GLRA1: variants seen among roughly 807,000 people sequenced by gnomAD.
GLRA1 encodes the protein glycine receptor subunit alpha-1.
GLRA1 carries 37 observed loss-of-function variants against 48.3 expected under a neutral mutation model. The ratio of observed to expected loss-of-function variants is 0.77; its 90% confidence interval spans 0.59 to 1.01. The LOEUF is 1.01. GLRA1 is among the 50% of genes least tolerant of loss of function. The probability of loss-of-function intolerance (pLI) is 0.00; values close to 1 mark genes in which losing one functional copy is unlikely to be tolerated. For synonymous variants in GLRA1, 196 were observed against 210.7 expected (o/e 0.93, Z 0.60); for missense variants, 427 against 571.0 (o/e 0.75, Z 2.57).
chr5:151,855,259 CTG>C, intron 5 of GLRA1, 82 bp from the exon 6 acceptor site: 3 of 1,345,706 alleles, frequency 2.2e-6, no homozygotes, highest in Non-Finnish European at 3.2e-6. Context: ...GGGTTAGAGA[CTG>C]AGAGAGACAT....
intron 7 of GLRA1, among the ~76,000 whole-genome samples, chr5:151,836,002 AAG>A (rs1763569719): frequency 6.6e-6 from 1 of 152,224 alleles, no homozygotes; most frequent in Admixed American, 6.5e-5. Flanking sequence ...TTTAAATAGG[AAG>A]AGAGGAAGTC....
intron 8 of GLRA1, among the ~76,000 whole-genome samples, chr5:151,825,824 G>A (rs959658907): frequency 2.6e-5 from 4 of 152,224 alleles, no homozygotes; most frequent in African/African-American, 9.6e-5. Context: ...ATTCAGGCAT[G>A]TAGCTAGTTC....
intron 3 of GLRA1, among the ~76,000 whole-genome samples, chr5:151,878,663 T>G (rs558571748): frequency 1.2e-4 from 19 of 152,152 alleles, no homozygotes; most frequent in Non-Finnish European, 2.6e-4. Flanking sequence ...ACTCCAGCCA[T>G]GACTAAAAGG....
At chr5:151,903,842 A>AT (rs950433716) in intron 1 of GLRA1, among the ~76,000 whole-genome samples, 2 of 152,024 alleles carry the variant, frequency 1.3e-5, no homozygotes, top group African/African-American at 2.4e-5. Flanking sequence ...TTTCTTTTCT[A>AT]TTTTTCAGAT....
At chr5:151,847,900 G>C (rs1752721032) in intron 7 of GLRA1, among the ~76,000 whole-genome samples, 1 of 152,204 alleles carries the variant, frequency 6.6e-6, no homozygotes, top group Admixed American at 6.5e-5. Context: ...AGAATGTTGT[G>C]TCTAGCATAA....
chr5:151,869,163 G>A (rs1313747533), intron 3 of GLRA1, among the ~76,000 whole-genome samples: 1 of 151,622 alleles, frequency 6.6e-6, no homozygotes, highest in Non-Finnish European at 1.5e-5. Flanking sequence ...GAGTGCAGTG[G>A]TGCGATCTCT....
chr5:151,904,277 A>G (rs1754426008), intron 1 of GLRA1, among the ~76,000 whole-genome samples: 1 of 152,032 alleles, frequency 6.6e-6, no homozygotes, highest in Non-Finnish European at 1.5e-5. Flanking sequence ...CCAGCAGGTC[A>G]CCCCTTTCTA....
At position 151,892,411 on chromosome 5, in the gene GLRA1, A is replaced by C; in HGVS notation, c.84T>G (p.Ala28=). ...ACATAGGCTTGGGTGCGGAGCGAGC[A>C]GCTTCAGCCTCCTTAGAAGCAGCAA... ...FSLAASKEAE[A]ARSAPKPMSP... is the part of the protein sequence containing the mutation. The change falls in exon 2 of 9, where the codon GCT becomes GCG. Residue 28 remains alanine (A), a synonymous_variant. Coordinates refer to ENST00000274576, the MANE Select transcript of GLRA1 (RefSeq NM_000171.4). 6.2e-7 allele frequency: 1 copy of C among 1,614,104 alleles called. No homozygotes were observed. The highest frequency in any genetic ancestry group is 8.5e-7 in the Non-Finnish European group (1 of 1,179,948).
In GLRA1 at chr5:151,924,798, A is replaced by AAG. The variant is rs1754984700; in HGVS notation, c.-251_-250dup. On this transcript the variant is annotated 5_prime_UTR_variant, in exon 1 of 9. Coordinates refer to ENST00000274576, the MANE Select transcript of GLRA1 (RefSeq NM_000171.4). ...TCCAGACCTGCTTTTCAGGAGCGCG[A>AAG]AGAGTATTGCTGTTTGTTAAACTCC... 1.7e-6 allele frequency: 1 copy of AAG among 590,018 alleles called. No individual in the cohort carries two copies. Among genetic ancestry groups the AAG allele is most frequent in the Non-Finnish European group, 3.0e-6 (1 of 330,046 alleles). The allele number at this position is 590,018 out of a possible 1,614,324, so 36.5% of individuals were successfully genotyped here. A position where few individuals can be genotyped will look rare whatever the true frequency, so the allele number is the denominator to read the frequency against.
rs1419313270 is a variant in GLRA1, at chr5:151,881,558, A to G, written c.252+5163T>C. Among the ~76,000 whole-genome samples the G allele has an allele frequency of 2.1e-5, 3 of 143,536 alleles. 1 individual carries two copies. Among genetic ancestry groups the G allele is most frequent in the African/African-American group, 7.9e-5 (3 of 38,152 alleles). The allele number at this position is 143,536 out of a possible 152,430, so 94.2% of individuals were successfully genotyped here. A position where few individuals can be genotyped will look rare whatever the true frequency, so the allele number is the denominator to read the frequency against. ...CACCATTTGCCCAGGCTGGTCTCGA[A>G]CTCCCGGGCTCAAGCAATCTGCGCA... is the stretch of plus-strand genomic sequence containing the variant. On this transcript the variant is annotated intron_variant, in intron 3 of 8. Transcript: ENST00000274576.
chr5:151,901,819 A>G (rs1048402602), intron 1 of GLRA1, among the ~76,000 whole-genome samples: 11 of 152,332 alleles, frequency 7.2e-5, no homozygotes, highest in African/African-American at 2.4e-4. Context: ...TCTTCTCAAT[A>G]CCATGAAGAT....
chr5:151,891,643 A>C (rs938509285), intron 2 of GLRA1, among the ~76,000 whole-genome samples: 1 of 152,164 alleles, frequency 6.6e-6, no homozygotes, highest in Non-Finnish European at 1.5e-5. Flanking sequence ...GGTTTGCCTC[A>C]CTGATTTAAG....
At chr5:151,890,769 G>A (rs890832) in intron 2 of GLRA1, among the ~76,000 whole-genome samples, 115,141 of 152,082 alleles carry the variant, frequency 0.76, 43,864 homozygotes, top group East Asian at 0.93. Context: ...GGTATTAGAG[G>A]TTGTGACCCT....
chr5:151,898,086 G>A (rs777683334), intron 1 of GLRA1, among the ~76,000 whole-genome samples: 6 of 152,144 alleles, frequency 3.9e-5, no homozygotes, highest in Non-Finnish European at 7.4e-5. Flanking sequence ...AGTAGGGGCT[G>A]TGTGACCTTC....
chr5:151,884,049 G>A (rs1229470676), intron 3 of GLRA1, among the ~76,000 whole-genome samples: 2 of 152,194 alleles, frequency 1.3e-5, no homozygotes, highest in East Asian at 3.8e-4. Context: ...CAATGATAAT[G>A]TTGGGGCTGC....
At chr5:151,828,855 A>G in intron 8 of GLRA1, 66 bp downstream of exon 8, 2 of 1,489,292 alleles carry the variant, frequency 1.3e-6, no homozygotes, top group East Asian at 2.3e-5. Context: ...ACACAAGACA[A>G]TACTGCTTAG....
At chr5:151,874,854 G>A (rs560883430) in intron 3 of GLRA1, among the ~76,000 whole-genome samples, 1 of 152,190 alleles carries the variant, frequency 6.6e-6, no homozygotes, top group African/African-American at 2.4e-5. Flanking sequence ...TGCAGGATTG[G>A]AAGTAGGATA....
chr5:151,919,195 T>A (rs1754813310), intron 1 of GLRA1, among the ~76,000 whole-genome samples: 1 of 152,126 alleles, frequency 6.6e-6, no homozygotes, highest in Non-Finnish European at 1.5e-5. Context: ...TGGCGGTTAC[T>A]TGTGCCTTTG....
intron 7 of GLRA1, among the ~76,000 whole-genome samples, chr5:151,840,290 G>A (rs543438920): frequency 4.0e-4 from 61 of 152,026 alleles, no homozygotes; most frequent in Non-Finnish European, 6.9e-4. Flanking sequence ...GTAAAGATGG[G>A]ATTTCACCAT....
Sources: gnomAD v4.1 joint callset for allele counts (sites outside exome capture counted in the v4.1 genomes callset) on GRCh38, gnomAD v4.1.1 for gene constraint, MANE v1.5 for transcripts, NCBI Gene and HGNC (gene_info 2026-07-23, HGNC 2026-07-21) for gene names.